Variants in SORL1 observed in about 807,000 individuals in gnomAD.
SORL1 encodes the protein sortilin related receptor 1, also known as sortilin-related receptor.
Under a neutral mutation model 273.7 loss-of-function variants are expected in SORL1, and 127 were observed. The ratio of observed to expected loss-of-function variants is 0.46; its 90% CI spans 0.40 to 0.54. SORL1 has a LOEUF of 0.54. Among genes scored for constraint, SORL1 ranks in the 20% least tolerant of loss-of-function variants. SORL1 has a pLI of 0.00. For missense variants in SORL1, 2,494 were observed against 2,846.1 expected (o/e 0.88, Z 2.81); for synonymous variants, 1,031 against 1,067.4 (o/e 0.97, Z 0.66).
rs1339624228 is a variant in SORL1, at chr11:121,596,186, T to C, written c.4519+414T>C. Among the ~76,000 whole-genome samples the C allele has an allele frequency of 6.6e-6, 1 of 152,202 alleles. No individual in the cohort carries two copies. Among genetic ancestry groups the C allele is most frequent in the East Asian group, 1.9e-4 (1 of 5,192 alleles). ...GCTGTGTTATTAGAGGGTTTGCCTCTAGCACCCCATTAAGAAAATTCATTC... is the reference window on the plus strand; with the variant it reads ...GCTGTGTTATTAGAGGGTTTGCCTCCAGCACCCCATTAAGAAAATTCATTC... On this transcript the variant is annotated intron_variant, in intron 32 of 47. Coordinates refer to ENST00000260197, the MANE Select transcript of SORL1 (RefSeq NM_003105.6). This position sits in a 1 kb window ranked among gnomAD's most constrained non-coding sequence, Gnocchi z 4.3.
Position 121,614,976 on chromosome 11 carries a change from G to A in SORL1, c.5525G>A (p.Arg1842His), listed in dbSNP as rs545335743. Residue 1842 changes from arginine (R) to histidine (H), a missense_variant, in exon 41 of 48, where the codon CGC becomes CAC. Physicochemically the swap from Arg to His is conservative, Grantham distance 29. This residue lies in a region of SORL1 where 1,609 missense variants were observed against 1,816.4 expected (regional missense o/e 0.89). Transcript: ENST00000260197. ...GAGCATGTTATGACCAGAGGGGTTCGCCCACCTGCACCTAGCCTCAAGGCC... is the reference window on the plus strand; with the variant it reads ...GAGCATGTTATGACCAGAGGGGTTCACCCACCTGCACCTAGCCTCAAGGCC... ...AFEHVMTRGV[R>H]PPAPSLKAKA... 2.0e-5 allele frequency: 33 copies of A among 1,613,550 alleles called. No individual in the cohort carries two copies. The highest frequency in any genetic ancestry group is 1.1e-4 in the South Asian group (10 of 90,950).
Position 121,545,411 on chromosome 11 carries a change from C to T in SORL1, c.2033C>T (p.Thr678Ile). ...GTGGTCGTGTCCAACTGCTCCTGCACCCGGGAGGACTATGAGTGGTCAGTT... is the reference window on the plus strand; with the variant it reads ...GTGGTCGTGTCCAACTGCTCCTGCATCCGGGAGGACTATGAGTGGTCAGTT... ...RPVVVSNCSC[T>I]REDYECDFGF... The change falls in exon 14 of 48, where the codon ACC becomes ATC. Residue 678 changes from threonine to isoleucine, a missense_variant. By Grantham distance (89) the Thr-to-Ile change is moderately conservative. Transcript: ENST00000260197. 6.2e-7 allele frequency: 1 copy of T among 1,614,082 alleles called. No individual in the cohort carries two copies. The highest frequency in any genetic ancestry group is 8.5e-7 in the Non-Finnish European group (1 of 1,179,990).
intron 1 of SORL1, among the ~76,000 whole-genome samples, chr11:121,455,445 C>G (rs4936631): frequency 0.32 from 48,579 of 152,076 alleles, 9,130 homozygotes; most frequent in African/African-American, 0.53. Context: ...AAGGCCACCA[C>G]CTTCAGGGAG....
chr11:121,504,515 A>C (rs1274199803), intron 6 of SORL1, among the ~76,000 whole-genome samples: 1 of 152,116 alleles, frequency 6.6e-6, no homozygotes, highest in Non-Finnish European at 1.5e-5. Context: ...AACATGATTG[A>C]TTTTTGTATT....
At chr11:121,510,678 A>G (rs1023727405) in intron 6 of SORL1, among the ~76,000 whole-genome samples, 1 of 152,136 alleles carries the variant, frequency 6.6e-6, no homozygotes, top group African/African-American at 2.4e-5. Context: ...AAGTGCAGTC[A>G]TTTATTCTGG....
intron 47 of SORL1, 121 bp from the exon 48 acceptor site, chr11:121,629,375 A>G: frequency 6.2e-6 from 4 of 644,314 alleles, no homozygotes; most frequent in East Asian, 2.7e-5. Flanking sequence ...CTGCCTGGCT[A>G]TGGCATTGAC....
At chr11:121,553,279 A>T (rs1427399727) in intron 16 of SORL1, among the ~76,000 whole-genome samples, 2 of 152,224 alleles carry the variant, frequency 1.3e-5, no homozygotes, top group Non-Finnish European at 2.9e-5. Context: ...TGGGTCTTAA[A>T]CAATACCCGA....
chr11:121,496,145 A>C (rs1208511610), intron 5 of SORL1, among the ~76,000 whole-genome samples: 1 of 152,238 alleles, frequency 6.6e-6, no homozygotes, highest in African/African-American at 2.4e-5. Context: ...TTCCTGGAAG[A>C]TGAAGACTTG....
chr11:121,557,239 G>A (rs926014802), intron 18 of SORL1, 75 bp from the exon 19 acceptor site: 1 of 1,051,674 alleles, frequency 9.5e-7, no homozygotes, highest in African/African-American at 1.6e-5. Context: ...CAGAAGCTGA[G>A]TAGCCATCTT....
At chr11:121,525,905 G>C (rs1862114324) in intron 11 of SORL1, among the ~76,000 whole-genome samples, 2 of 152,168 alleles carry the variant, frequency 1.3e-5, no homozygotes, top group Admixed American at 1.3e-4. Context: ...GTGCATGCCT[G>C]TAGTCCTAGC....
chr11:121,529,378 G>A (rs559418948), intron 11 of SORL1, among the ~76,000 whole-genome samples: 9 of 151,872 alleles, frequency 5.9e-5, no homozygotes, highest in African/African-American at 1.9e-4. Context: ...CACCACACCC[G>A]GCTAATTTTT....
chr11:121,530,742 C>T (rs926284267), intron 11 of SORL1, among the ~76,000 whole-genome samples: 1 of 152,076 alleles, frequency 6.6e-6, no homozygotes, highest in African/African-American at 2.4e-5. Context: ...CCATCCCTTT[C>T]TCCTGTTCTT....
intron 12 of SORL1, among the ~76,000 whole-genome samples, chr11:121,541,654 A>G (rs1008864087): frequency 3.5e-4 from 53 of 152,242 alleles, no homozygotes; most frequent in African/African-American, 1.2e-3. Flanking sequence ...AGTTTTGCAT[A>G]TAATTTGGAT....
intron 32 of SORL1, among the ~76,000 whole-genome samples, chr11:121,600,743 T>C (rs1460727755): frequency 6.6e-6 from 1 of 152,204 alleles, no homozygotes; most frequent in Non-Finnish European, 1.5e-5. Flanking sequence ...GAGATTAGTG[T>C]GGTGCGATTC....
intron 40 of SORL1, among the ~76,000 whole-genome samples, chr11:121,613,532 C>T (rs1315829761): frequency 6.6e-6 from 1 of 151,950 alleles, no homozygotes; most frequent in African/African-American, 2.4e-5. Flanking sequence ...TACAAATGTT[C>T]TATTGTTACT....
chr11:121,461,799 G>T (rs1015985427), intron 1 of SORL1, among the ~76,000 whole-genome samples: 1 of 152,140 alleles, frequency 6.6e-6, no homozygotes, highest in Non-Finnish European at 1.5e-5. Context: ...ATATGTCATC[G>T]CTTGCTCTTA....
intron 21 of SORL1, chr11:121,566,689 C>T: frequency 2.5e-6 from 1 of 407,454 alleles, no homozygotes; most frequent in Non-Finnish European, 4.4e-6. Context: ...TACAAATTCC[C>T]AGGAGGAACC....
intron 25 of SORL1, among the ~76,000 whole-genome samples, chr11:121,578,432 C>T (rs543337734): frequency 1.2e-4 from 19 of 152,320 alleles, no homozygotes; most frequent in African/African-American, 2.6e-4. Flanking sequence ...CGGCATCTGG[C>T]GGCTCAAAGC....
At chr11:121,605,908 A>C (rs559925963) in intron 35 of SORL1, among the ~76,000 whole-genome samples, 1 of 152,290 alleles carries the variant, frequency 6.6e-6, no homozygotes, top group South Asian at 2.1e-4. Context: ...GAGGCATATC[A>C]GCAATTTTGT....
Sources: allele counts gnomAD v4.1 joint callset (sites outside exome capture counted in the v4.1 genomes callset), GRCh38; gene constraint gnomAD v4.1.1; regional missense constraint gnomAD v4.1.1; non-coding constraint Gnocchi (gnomAD v3.1); transcripts MANE v1.5; gene names NCBI Gene and HGNC (gene_info 2026-07-23, HGNC 2026-07-21).